Variants in PCDH15 observed in about 807,000 individuals in gnomAD.
The protein encoded by PCDH15 is protocadherin-15.
Under a neutral mutation model 178.5 loss-of-function variants are expected in PCDH15, and 129 were observed. That is an observed-to-expected ratio of 0.72 (90% CI 0.63 to 0.84). PCDH15 has a LOEUF of 0.84. PCDH15 is among the 40% of genes least tolerant of loss of function. The pLI is 0.00. For synonymous variants in PCDH15, 800 were observed against 732.0 expected (o/e 1.09, Z -1.50); for missense variants, 2,230 against 2,099.9 (o/e 1.06, Z -1.21).
intron 2 of PCDH15, among the ~76,000 whole-genome samples, chr10:55,520,669 T>C (rs1841154220): frequency 6.6e-6 from 1 of 151,532 alleles, no homozygotes; most frequent in African/African-American, 2.4e-5. Context: ...CCAGTGAGCA[T>C]TCAAATGATT....
At chr10:54,170,407 G>A (rs1590933982) in intron 13 of PCDH15, among the ~76,000 whole-genome samples, 1 of 151,892 alleles carries the variant, frequency 6.6e-6, no homozygotes, top group Non-Finnish European at 1.5e-5. Flanking sequence ...TGCGTGCAGT[G>A]GCTGCCACTG....
chr10:54,121,018 C>T (rs1379314940), intron 15 of PCDH15, among the ~76,000 whole-genome samples: 2 of 151,202 alleles, frequency 1.3e-5, no homozygotes, highest in African/African-American at 4.9e-5. Context: ...GAATATACTC[C>T]AAGATTTACC....
rs186322330 is a variant in PCDH15 at position 53,910,028 on chromosome 10, C to G, written c.3374-6658G>C. On this transcript the variant is annotated intron_variant, in intron 25 of 37. Transcript: ENST00000644397. ...GAAGCCCAAACTGGGAGGAGCCCAC[C>G]GCAGCTCAACAAGGTCTGCTGCCTC... Among the ~76,000 whole-genome samples, 37 of 152,112 alleles carry G rather than the reference C, an allele frequency of 2.4e-4. 1 individual carries two copies. Among genetic ancestry groups the G allele is most frequent in the Admixed American group, 2.0e-3 (31 of 15,276 alleles).
chr10:53,855,904 G>GTATGTATATATATATATATATA lies in PCDH15; in HGVS notation c.3806+1270_3806+1271insTATATATATATATATATACATA, dbSNP rs147606526. Among the ~76,000 whole-genome samples the GTATGTATATATATATATATATA allele has an allele frequency of 2.3e-4, 25 of 109,682 alleles. 1 individual carries two copies. The highest frequency in any genetic ancestry group is 9.1e-4 in the African/African-American group (24 of 26,464). 72.0% of individuals were successfully genotyped at this position (109,682 alleles called of 152,430 possible). ...TAAAAGTTAAAAAAAAAGGTGATAT[G>GTATGTATATATATATATATATA]TATATATATATATATATGTATGTGT... On this transcript the variant is annotated intron_variant, in intron 28 of 37. Transcript: ENST00000644397.
At chr10:54,450,355 C>G (rs183709958) in intron 3 of PCDH15, among the ~76,000 whole-genome samples, 7 of 151,360 alleles carry the variant, frequency 4.6e-5, no homozygotes, top group Non-Finnish European at 1.5e-5. Flanking sequence ...GAAATGGAAT[C>G]AGGACATGGT....
intron 2 of PCDH15, among the ~76,000 whole-genome samples, chr10:55,442,470 T>TATATATTA (rs5785132): frequency 8.0e-6 from 1 of 124,696 alleles, no homozygotes; most frequent in Non-Finnish European, 1.6e-5. Flanking sequence ...TATATATATA[T>TATATATTA]TATATATATA....
At chr10:54,005,677 T>TGGAGAAAA (rs1443750957) in intron 20 of PCDH15, among the ~76,000 whole-genome samples, 1 of 151,954 alleles carries the variant, frequency 6.6e-6, no homozygotes, top group Admixed American at 6.6e-5. Context: ...AATAAGGATG[T>TGGAGAAAA]GGAGAAAAGG....
chr10:54,103,703 G>T (rs2094855631), intron 15 of PCDH15, among the ~76,000 whole-genome samples: 1 of 152,088 alleles, frequency 6.6e-6, no homozygotes, highest in African/African-American at 2.4e-5. Context: ...GCTCAGAGTT[G>T]GCTCTCTTTT....
intron 2 of PCDH15, among the ~76,000 whole-genome samples, chr10:55,535,851 A>T (rs2132068788): frequency 6.6e-6 from 1 of 152,074 alleles, no homozygotes; most frequent in Non-Finnish European, 1.5e-5. Flanking sequence ...CTAAATGTTA[A>T]CTGTCATCTT....
chr10:54,816,218 T>C (rs371730437), intron 3 of PCDH15, among the ~76,000 whole-genome samples: 4 of 148,998 alleles, frequency 2.7e-5, no homozygotes, highest in East Asian at 3.8e-4. Context: ...ATGTTGACTA[T>C]ATATTTATGT....
At chr10:55,076,514 C>T (rs1171229804) in intron 2 of PCDH15, among the ~76,000 whole-genome samples, 1 of 150,576 alleles carries the variant, frequency 6.6e-6, no homozygotes, top group African/African-American at 2.4e-5. Flanking sequence ...TGAAGTGGTG[C>T]GATCTCAGTT....
intron 8 of PCDH15, among the ~76,000 whole-genome samples, chr10:54,308,727 G>A (rs1472595673): frequency 2.6e-5 from 4 of 151,966 alleles, no homozygotes; most frequent in Non-Finnish European, 5.9e-5. Flanking sequence ...GTGGTTTGCT[G>A]CACCCATCAA....
chr10:55,188,287 A>AT (rs199914142), intron 1 of PCDH15, among the ~76,000 whole-genome samples: 33 of 150,892 alleles, frequency 2.2e-4, no homozygotes, highest in Middle Eastern at 3.4e-3. Flanking sequence ...CACGCTTTCT[A>AT]TTTTTTTTTA....
chr10:55,012,308 ATTG>A (rs1840063529), intron 2 of PCDH15, among the ~76,000 whole-genome samples: 1 of 152,100 alleles, frequency 6.6e-6, no homozygotes, highest in African/African-American at 2.4e-5. Flanking sequence ...AATACATATA[ATTG>A]TTTTCTAAAA....
At chr10:55,342,889 G>C (rs763114434) in intron 2 of PCDH15, among the ~76,000 whole-genome samples, 4 of 152,138 alleles carry the variant, frequency 2.6e-5, no homozygotes, top group Non-Finnish European at 2.9e-5. Context: ...AGAAGGACCT[G>C]AGAGTGTAAG....
At chr10:54,722,979 C>G (rs1261134351) in intron 1 of PCDH15, among the ~76,000 whole-genome samples, 1 of 151,492 alleles carries the variant, frequency 6.6e-6, no homozygotes, top group Non-Finnish European at 1.5e-5. Context: ...ACAAATCAAT[C>G]TACAGATTCA....
At chr10:54,045,921 T>C (rs947161505) in intron 18 of PCDH15, among the ~76,000 whole-genome samples, 2 of 152,050 alleles carry the variant, frequency 1.3e-5, no homozygotes, top group African/African-American at 2.4e-5. Context: ...GAGAAATGTT[T>C]GAAACATATA....
At chr10:55,056,128 A>C (rs1399949602) in intron 2 of PCDH15, among the ~76,000 whole-genome samples, 2 of 152,192 alleles carry the variant, frequency 1.3e-5, no homozygotes, top group Non-Finnish European at 2.9e-5. Context: ...CAAAGCATTC[A>C]CTTAGCAATT....
intron 3 of PCDH15, among the ~76,000 whole-genome samples, chr10:54,520,462 A>G (rs1345349871): frequency 1.3e-5 from 2 of 152,186 alleles, no homozygotes; most frequent in Admixed American, 1.3e-4. Context: ...CACATGAAAA[A>G]ATGCTCATCA....
Sources: gnomAD v4.1 joint callset for allele counts (sites outside exome capture counted in the v4.1 genomes callset) on GRCh38, gnomAD v4.1.1 for gene constraint, MANE v1.5 for transcripts, NCBI Gene and HGNC (gene_info 2026-07-23, HGNC 2026-07-21) for gene names.